PDHA1: variants seen among roughly 807,000 people sequenced by gnomAD.
PDHA1 encodes pyruvate dehydrogenase E1 component subunit alpha, somatic form, mitochondrial.
In PDHA1, 1 loss-of-function variant was observed where a neutral mutation model predicts 33.0. That is an observed-to-expected ratio of 0.03 (90% confidence interval 0.01 to 0.14). The LOEUF is 0.14. Ranked by LOEUF, PDHA1 falls within the 10% of genes least tolerant of loss-of-function variation. The pLI, the probability that PDHA1 is intolerant of heterozygous loss-of-function variation, is 1.00. For synonymous variants in PDHA1, 123 were observed against 119.2 expected (o/e 1.03, Z -0.21); for missense variants, 168 against 325.1 (o/e 0.52, Z 3.72).
chrX:19,359,974 CG>C lies in PDHA1; in HGVS notation c.*325del. On this transcript the variant is annotated 3_prime_UTR_variant, in exon 11 of 11. Transcript: ENST00000422285. ...CCTTTTTGGGAGGAGACCATTATGG[CG>C]GGGCCCCTCACAGCATTCTACCAAC... is the stretch of plus-strand genomic sequence containing the variant. The C allele has an allele frequency of 3.3e-6, 1 of 301,923 alleles. No homozygotes were observed. Among genetic ancestry groups the C allele is most frequent in the Non-Finnish European group, 6.0e-6 (1 of 166,237 alleles). 24.9% of individuals were successfully genotyped at this position (301,923 alleles called of 1,213,427 possible).
rs745758119 is a variant in PDHA1, at chrX:19,343,987, C to G, written c.-51C>G. The G allele has an allele frequency of 8.7e-7, 1 of 1,144,939 alleles. No individual in the cohort carries two copies. Among genetic ancestry groups the G allele is most frequent in the Admixed American group, 2.2e-5 (1 of 45,544 alleles). 94.4% of individuals were successfully genotyped at this position (1,144,939 alleles called of 1,213,427 possible). A position where few individuals can be genotyped will look rare whatever the true frequency, so the allele number is the denominator to read the frequency against. On this transcript the variant is annotated 5_prime_UTR_variant, in exon 1 of 11. Transcript: ENST00000422285. ...GAAGGAGACTTGGGGGCACCCGCGT[C>G]GTGCCTCCTGGGTTGTGAGGAGTCG...
chrX:19,348,374 A>G (rs1602222913), intron 1 of PDHA1, among the ~76,000 whole-genome samples: 1 of 112,350 alleles, frequency 8.9e-6, no homozygotes, highest in East Asian at 2.8e-4. Context: ...GGGCTTCAGG[A>G]GGAGCCTGTC....
In PDHA1 at chrX:19,361,246, G is replaced by A. The variant is rs2063282723; in HGVS notation, c.*1593G>A. 1.4e-6 allele frequency: 1 copy of A among 733,245 alleles called. No individual in the cohort carries two copies. Among genetic ancestry groups the A allele is most frequent in the South Asian group, 2.8e-5 (1 of 35,875 alleles). 60.4% of individuals were successfully genotyped at this position (733,245 alleles called of 1,213,427 possible). ...TGAACCTAATAGAACTCCAGAGTTT[G>A]GGGGGAGGCCCAGCCCTTTGTTTTC... On this transcript the variant is annotated 3_prime_UTR_variant, in exon 11 of 11. Transcript: ENST00000422285.
chrX:19,351,657 C>T (rs1421530478), intron 4 of PDHA1, among the ~76,000 whole-genome samples: 1 of 111,044 alleles, frequency 9.0e-6, no homozygotes, highest in African/African-American at 3.3e-5. Context: ...GGTTATCATT[C>T]AAGCATGCCA....
Position 19,357,724 on chromosome X carries a change from G to A in PDHA1, c.899+5G>A, listed in dbSNP as rs762582284. On this transcript the variant is annotated splice_donor_5th_base_variant and intron_variant, in intron 9 of 10. Transcript: ENST00000422285. ...TATGAGTGACCCTGGAGTCAGGTAC[G>A]CTCATGGGCAGTGTGGTTTCCATAG... The A allele has an allele frequency of 5.0e-6, 6 of 1,189,961 alleles. No individual in the cohort carries two copies. Among genetic ancestry groups the A allele is most frequent in the Non-Finnish European group, 5.7e-6 (5 of 875,555 alleles).
chrX:19,358,826 C>T, intron 9 of PDHA1, 90 bp from the exon 10 acceptor site: 2 of 569,112 alleles, frequency 3.5e-6, no homozygotes, highest in Non-Finnish European at 6.3e-6. Context: ...CTCATTGGGA[C>T]AATCCAACCC....
At chrX:19,352,678 A>G (rs898150685) in intron 4 of PDHA1, among the ~76,000 whole-genome samples, 2 of 111,933 alleles carry the variant, frequency 1.8e-5, no homozygotes, top group Non-Finnish European at 3.8e-5. Flanking sequence ...AGAATATTCT[A>G]TTTTCAATAC....
Position 19,361,030 on chromosome X carries a change from G to T in PDHA1, c.*1377G>T. 1 of 421,165 alleles carries T rather than the reference G, an allele frequency of 2.4e-6. No homozygotes were observed. Among genetic ancestry groups the T allele is most frequent in the Non-Finnish European group, 4.1e-6 (1 of 245,830 alleles). 34.7% of individuals were successfully genotyped at this position (421,165 alleles called of 1,213,427 possible). ...GAGAGCTGGCTATTTCAAATGACTCGGGAACAAGAAGGCAGGCTGCAGTTT... is the reference window on the plus strand; with the variant it reads ...GAGAGCTGGCTATTTCAAATGACTCTGGAACAAGAAGGCAGGCTGCAGTTT... On this transcript the variant is annotated 3_prime_UTR_variant, in exon 11 of 11. Coordinates refer to ENST00000422285, the MANE Select transcript of PDHA1 (RefSeq NM_000284.4).
At chrX:19,352,650 C>A (rs150798585) in intron 4 of PDHA1, among the ~76,000 whole-genome samples, 83 of 112,567 alleles carry the variant, frequency 7.4e-4, no homozygotes, top group African/African-American at 2.5e-3. Context: ...CCTTCCATAT[C>A]TTCGGGTTTG....
At chrX:19,349,102 G>A (rs1193134043) in intron 1 of PDHA1, among the ~76,000 whole-genome samples, 1 of 111,792 alleles carries the variant, frequency 8.9e-6, no homozygotes, top group Non-Finnish European at 1.9e-5. Context: ...CTTCAGATGC[G>A]GGATAATCCT....
chrX:19,358,084 A>AACATC (rs1474370969), intron 9 of PDHA1, among the ~76,000 whole-genome samples: 1 of 112,153 alleles, frequency 8.9e-6, no homozygotes, highest in Non-Finnish European at 1.9e-5. Flanking sequence ...CCTGAAGAGG[A>AACATC]TCAGAATTTG....
At chrX:19,352,453 C>G (rs775974140) in intron 4 of PDHA1, among the ~76,000 whole-genome samples, 2 of 110,256 alleles carry the variant, frequency 1.8e-5, no homozygotes, top group Admixed American at 1.9e-4. Context: ...CCAGGCTGGT[C>G]TTGAACTCTT....
In PDHA1 at chrX:19,355,329, C is replaced by T. The variant is rs751913870; in HGVS notation, c.604-20C>T. On this transcript the variant is annotated intron_variant, in intron 6 of 10. Coordinates refer to ENST00000422285, the MANE Select transcript of PDHA1 (RefSeq NM_000284.4). ...TGGAGAAAGAAGCCAAATGAAACCC[C>T]TTTTCGTAACTACTTCCAGGGCCAG... 1.7e-6 allele frequency: 2 copies of T among 1,208,910 alleles called. No homozygotes were observed. Among genetic ancestry groups the T allele is most frequent in the African/African-American group, 1.7e-5 (1 of 57,379 alleles).
chrX:19,350,237 ATTTATTT>A, intron 3 of PDHA1, 127 bp downstream of exon 3: 1 of 566,654 alleles, frequency 1.8e-6, no homozygotes, highest in Non-Finnish European at 3.1e-6. Flanking sequence ...TCTTTTATTT[ATTTATTT>A]TTTTGAGACA....
chrX:19,355,266 T>A (rs2063187814), intron 6 of PDHA1, 83 bp from the exon 7 acceptor site: 2 of 1,079,136 alleles, frequency 1.9e-6, no homozygotes, highest in East Asian at 6.0e-5. Context: ...AAGCTTTCTG[T>A]GCCAGGCAGA....
chrX:19,359,055 G>GTTGGCT (rs772008920), intron 10 of PDHA1, 31 bp downstream of exon 10: 2 of 1,001,061 alleles, frequency 2.0e-6, no homozygotes, highest in Admixed American at 4.4e-5. Context: ...TGGTTTGAAG[G>GTTGGCT]TTGGCTTTAA....
At chrX:19,357,810 GCTAGAT>G in intron 9 of PDHA1, 91 bp downstream of exon 9, 1 of 692,096 alleles carries the variant, frequency 1.4e-6, no homozygotes, top group Non-Finnish European at 2.4e-6. Context: ...TGCTTTTGGA[GCTAGAT>G]ACCAGTTCAC....
intron 1 of PDHA1, among the ~76,000 whole-genome samples, chrX:19,346,200 C>G (rs749001673): frequency 8.9e-6 from 1 of 112,134 alleles, no homozygotes; most frequent in Non-Finnish European, 1.9e-5. Flanking sequence ...GTGTGATACT[C>G]CATGAAGGGA....
chrX:19,349,423 T>C (rs748668498), intron 2 of PDHA1, 52 bp downstream of exon 2: 6 of 710,198 alleles, frequency 8.4e-6, no homozygotes, highest in South Asian at 2.2e-5. Context: ...CACTCTGATA[T>C]ACAGTTTTAC....
Sources: allele counts gnomAD v4.1 joint callset (sites outside exome capture counted in the v4.1 genomes callset), GRCh38; gene constraint gnomAD v4.1.1; transcripts MANE v1.5; gene names NCBI Gene and HGNC (gene_info 2026-07-23, HGNC 2026-07-21).